Variants in SPATA13 observed in about 807,000 individuals in gnomAD.
SPATA13 encodes spermatogenesis associated 13, also known as spermatogenesis-associated protein 13.
In SPATA13, 50 loss-of-function variants were observed where a neutral mutation model predicts 104.0. The observed-to-expected ratio is 0.48, with a 90% CI of 0.38 to 0.61. The LOEUF is 0.61. Ranked by LOEUF, SPATA13 falls within the 20% of genes least tolerant of loss-of-function variation. The probability of loss-of-function intolerance (pLI) is 0.00; values close to 1 mark genes in which losing one functional copy is unlikely to be tolerated. For missense variants in SPATA13, 1,524 were observed against 1,690.6 expected (o/e 0.90, Z 1.73); for synonymous variants, 606 against 667.5 (o/e 0.91, Z 1.42).
At chr13:24,122,438 C>T in intron 3 of SPATA13, 1 of 1,598,212 alleles carries the variant, frequency 6.3e-7, no homozygotes, top group Non-Finnish European at 8.6e-7. Flanking sequence ...TACCAGTCTT[C>T]ATCGTCTCCA....
chr13:24,046,628 T>C (rs1357769707), intron 3 of SPATA13, among the ~76,000 whole-genome samples: 1 of 151,666 alleles, frequency 6.6e-6, no homozygotes, highest in Admixed American at 6.6e-5. Context: ...AGTTTGTTAT[T>C]AGTTCCTGTA....
chr13:24,002,462 A>G (rs1404652133), intron 2 of SPATA13, among the ~76,000 whole-genome samples: 3 of 151,878 alleles, frequency 2.0e-5, no homozygotes, highest in African/African-American at 7.3e-5. Context: ...ACTCTGGGGG[A>G]AGGAGTAGAG....
chr13:24,135,517 G>A (rs1435674066), intron 3 of SPATA13, among the ~76,000 whole-genome samples: 1 of 151,938 alleles, frequency 6.6e-6, no homozygotes, highest in East Asian at 1.9e-4. Flanking sequence ...CTAACACAGT[G>A]AAACCCCATC....
intron 1 of SPATA13, among the ~76,000 whole-genome samples, chr13:24,164,527 G>C (rs1264506657): frequency 6.6e-6 from 1 of 152,222 alleles, no homozygotes; most frequent in Non-Finnish European, 1.5e-5. Flanking sequence ...CCATCCTGGG[G>C]AGAAGGGAGG....
intron 3 of SPATA13, among the ~76,000 whole-genome samples, chr13:24,138,137 TA>T (rs11321247): frequency 0.046 from 6,661 of 144,422 alleles, 398 homozygotes; most frequent in African/African-American, 0.14. Flanking sequence ...CCATCTCTTC[TA>T]AAAAAAAAAA....
intron 2 of SPATA13, among the ~76,000 whole-genome samples, chr13:24,248,248 A>G (rs1450887084): frequency 6.6e-6 from 1 of 152,204 alleles, no homozygotes; most frequent in Non-Finnish European, 1.5e-5. Flanking sequence ...TTTTCAGAGC[A>G]GCAAAGAACT....
At chr13:24,130,296 C>G (rs1327495968) in intron 3 of SPATA13, among the ~76,000 whole-genome samples, 1 of 152,174 alleles carries the variant, frequency 6.6e-6, no homozygotes, top group Admixed American at 6.5e-5. Flanking sequence ...TGAGCAGAGC[C>G]CAGTTCTTCT....
chr13:24,043,254 G>C (rs1877999528), intron 3 of SPATA13, among the ~76,000 whole-genome samples: 1 of 152,178 alleles, frequency 6.6e-6, no homozygotes, highest in Non-Finnish European at 1.5e-5. Flanking sequence ...ACATGCAAGG[G>C]ATTGCGTGGC....
rs1875748323 is a variant in SPATA13 at position 24,284,224 on chromosome 13, A to G, written c.2254A>G (p.Ser752Gly). 5 of 1,613,842 alleles carry G rather than the reference A, an allele frequency of 3.1e-6. No homozygotes were observed. Among genetic ancestry groups the G allele is most frequent in the Middle Eastern group, 3.4e-4 (2 of 5,928 alleles). The stretch of plus-strand genomic sequence containing the variant: ...CAGCTATGAAGACCTCTGCCAGGCC[A>G]GCCCTCGGTACCTGCAGCCCGGCGG... ...DFSYEDLCQA[S>G]PRYLQPGGEQ... The change falls in exon 5 of 13, where the codon AGC (serine) becomes GGC (glycine). Residue 752 changes from serine (S) to glycine (G), a missense_variant. By Grantham distance (56) the Ser-to-Gly change is moderately conservative (BLOSUM62 0). Transcript: ENST00000382108.
At chr13:24,154,629 G>A (rs932395181) in intron 3 of SPATA13, among the ~76,000 whole-genome samples, 1 of 152,192 alleles carries the variant, frequency 6.6e-6, no homozygotes, top group African/African-American at 2.4e-5. Flanking sequence ...ACCACAGTGT[G>A]TTAAAAACTA....
At chr13:24,074,720 A>T (rs979738837) in intron 3 of SPATA13, among the ~76,000 whole-genome samples, 4 of 152,314 alleles carry the variant, frequency 2.6e-5, no homozygotes, top group Admixed American at 2.6e-4. Context: ...ACTTCAGACA[A>T]TTGGATTTAG....
chr13:24,116,781 C>CAA (rs1880859544), intron 3 of SPATA13, among the ~76,000 whole-genome samples: 2 of 145,974 alleles, frequency 1.4e-5, no homozygotes, highest in South Asian at 4.4e-4. Context: ...CCCCCCCCCC[C>CAA]AATGTGCTGA....
chr13:24,128,762 C>G (rs899839555), intron 3 of SPATA13, among the ~76,000 whole-genome samples: 2 of 151,752 alleles, frequency 1.3e-5, no homozygotes, highest in African/African-American at 4.8e-5. Context: ...CTGCTTACTT[C>G]CCTTAAAAAA....
chr13:24,010,458 C>CTTTTTTTTT (rs34740517), intron 2 of SPATA13, among the ~76,000 whole-genome samples: 1 of 137,086 alleles, frequency 7.3e-6, no homozygotes, highest in Non-Finnish European at 1.6e-5. Context: ...AGGTATGTAG[C>CTTTTTTTTT]TTTTTTTTTT....
At chr13:24,264,865 G>A (rs1014794392) in intron 4 of SPATA13, among the ~76,000 whole-genome samples, 1 of 152,172 alleles carries the variant, frequency 6.6e-6, no homozygotes, top group Non-Finnish European at 1.5e-5. Context: ...ATTTATTTCT[G>A]CATTAATCAA....
intron 2 of SPATA13, among the ~76,000 whole-genome samples, chr13:23,989,946 G>T (rs906867918): frequency 6.6e-6 from 1 of 152,164 alleles, no homozygotes; most frequent in African/African-American, 2.4e-5. Flanking sequence ...TGAATCTGTG[G>T]ATACTTTGAT....
chr13:24,153,548 C>T (rs187207197), intron 3 of SPATA13, among the ~76,000 whole-genome samples: 1 of 152,170 alleles, frequency 6.6e-6, no homozygotes, highest in African/African-American at 2.4e-5. Context: ...TGAAGGCAGC[C>T]AAGGCCACTT....
intron 1 of SPATA13, among the ~76,000 whole-genome samples, chr13:24,189,787 TATA>T (rs374923460): frequency 1.4e-4 from 1 of 6,940 alleles, no homozygotes; most frequent in Non-Finnish European, 2.0e-3. Context: ...ATATTTATAA[TATA>T]ATAAATATAT....
intron 3 of SPATA13, among the ~76,000 whole-genome samples, chr13:24,052,488 T>C (rs560314076): frequency 9.8e-5 from 9 of 92,180 alleles, no homozygotes; most frequent in African/African-American, 2.8e-4. Flanking sequence ...AAAAGAAATA[T>C]ATGTTTTTTT....
Sources: gnomAD v4.1 joint callset for allele counts (sites outside exome capture counted in the v4.1 genomes callset) on GRCh38, gnomAD v4.1.1 for gene constraint, MANE v1.5 for transcripts, NCBI Gene and HGNC (gene_info 2026-07-23, HGNC 2026-07-21) for gene names.